Variants in RNF157 observed in about 807,000 individuals in gnomAD.
RNF157 encodes E3 ubiquitin ligase RNF157.
A neutral mutation model predicts 88.3 loss-of-function variants in RNF157; 55 were observed. That is an observed-to-expected ratio of 0.62 (90% CI 0.50 to 0.78). RNF157 has a LOEUF of 0.78. Among genes scored for constraint, RNF157 ranks in the 30% least tolerant of loss-of-function variants. RNF157 has a pLI of 0.00. For synonymous variants in RNF157, 334 were observed against 341.2 expected, an observed-to-expected ratio of 0.98 and a Z score of 0.23; for missense variants, 788 against 860.8, an observed-to-expected ratio of 0.92 and a Z score of 1.06.
chr17:76,192,841 C>CT (rs34816147), intron 2 of RNF157, among the ~76,000 whole-genome samples: 2,444 of 134,272 alleles, frequency 0.018, 54 homozygotes, highest in African/African-American at 0.049. Context: ...ACTTTCTTTC[C>CT]TTTTTTTTTT....
At chr17:76,169,122 T>C (rs950301089) in intron 3 of RNF157, among the ~76,000 whole-genome samples, 2 of 152,334 alleles carry the variant, frequency 1.3e-5, no homozygotes, top group South Asian at 2.1e-4. Context: ...CTCTGTTCTC[T>C]GTAGAACCCG....
chr17:76,217,569 A>T (rs930170992), intron 1 of RNF157, among the ~76,000 whole-genome samples: 1 of 152,160 alleles, frequency 6.6e-6, no homozygotes, highest in Non-Finnish European at 1.5e-5. Flanking sequence ...ACAGTCCCCA[A>T]ACAAGATGAC....
chr17:76,239,254 T>C (rs2070332352), intron 1 of RNF157, among the ~76,000 whole-genome samples: 1 of 152,226 alleles, frequency 6.6e-6, no homozygotes, highest in African/African-American at 2.4e-5. Context: ...ATGCAATTCA[T>C]ACTGGCCGGT....
intron 1 of RNF157, among the ~76,000 whole-genome samples, chr17:76,232,389 TA>T (rs372102015): frequency 0.016 from 2,241 of 140,886 alleles, 53 homozygotes; most frequent in African/African-American, 0.052. Flanking sequence ...ACTCTGTCTC[TA>T]AAAAAAAAAA....
At chr17:76,147,092 G>A (rs941543138) in intron 18 of RNF157, 1 of 985,188 alleles carries the variant, frequency 1.0e-6, no homozygotes, top group African/African-American at 1.7e-5. Context: ...ACTCCCTGGG[G>A]GTGGGTACTG....
Position 76,155,653 on chromosome 17 carries a change from G to A in RNF157, c.1607C>T (p.Ser536Phe), listed in dbSNP as rs2144815388. The change falls in exon 15 of 19, where the codon TCT becomes TTT. Residue 536 changes from serine (S) to phenylalanine (F), a missense_variant. Ser to Phe is a radical substitution (Grantham distance 155). Transcript: ENST00000269391. The stretch of plus-strand genomic sequence containing the variant: ...AGTGCCAGGGGCGATGTAGGAGCCA[G>A]ACATGGAGGAGACGGTGTCAGTGCT... ...QISTDTVSSM[S>F]GSYIAPGTEE... The A allele has an allele frequency of 1.2e-6, 2 of 1,613,960 alleles. No homozygotes were observed. The highest frequency in any genetic ancestry group is 1.1e-5 in the South Asian group (1 of 91,056).
chr17:76,154,188 C>T (rs2068725673), intron 17 of RNF157, 95 bp downstream of exon 17: 2 of 887,490 alleles, frequency 2.3e-6, no homozygotes, highest in Admixed American at 3.5e-5. Context: ...TGAGCAGCGC[C>T]ACCACGTCAT....
chr17:76,201,643 A>T lies in RNF157; in HGVS notation c.207+10721T>A, dbSNP rs141854590. The stretch of plus-strand genomic sequence containing the variant: ...ATAGTATATTTGTGTAGCTATAAAT[A>T]TATGTACATAATGCACACACATACA... On this transcript the variant is annotated intron_variant, in intron 2 of 18. Coordinates refer to ENST00000269391, the MANE Select transcript of RNF157 (RefSeq NM_052916.3). Among the ~76,000 whole-genome samples the T allele has an allele frequency of 7.2e-4, 110 of 152,328 alleles. 1 individual carries two copies. The East Asian group carries it at 0.018, about 24-fold the overall frequency.
intron 3 of RNF157, among the ~76,000 whole-genome samples, chr17:76,170,037 G>T (rs553734247): frequency 3.9e-5 from 6 of 152,314 alleles, no homozygotes; most frequent in Non-Finnish European, 7.4e-5. Context: ...TGGGGATCCT[G>T]GGCTTCACTG....
intron 1 of RNF157, among the ~76,000 whole-genome samples, chr17:76,223,110 T>C (rs1190916443): frequency 2.6e-5 from 4 of 151,996 alleles, no homozygotes; most frequent in African/African-American, 9.7e-5. Flanking sequence ...CAGGATGGTT[T>C]TGATCTCCTG....
chr17:76,220,980 G>A (rs1002720046), intron 1 of RNF157, among the ~76,000 whole-genome samples: 10 of 151,814 alleles, frequency 6.6e-5, no homozygotes, highest in Non-Finnish European at 1.2e-4. Flanking sequence ...AAAATTAGCC[G>A]GCTTGGTGGC....
At chr17:76,210,364 T>A (rs60936294) in intron 2 of RNF157, among the ~76,000 whole-genome samples, 6 of 151,456 alleles carry the variant, frequency 4.0e-5, no homozygotes, top group African/African-American at 9.7e-5. Flanking sequence ...GAGGCCAAGG[T>A]GGGCGGATCA....
chr17:76,177,024 G>GCCCGGC (rs1311305920), intron 2 of RNF157, among the ~76,000 whole-genome samples: 2 of 152,192 alleles, frequency 1.3e-5, no homozygotes, highest in South Asian at 2.1e-4. Flanking sequence ...TGGGCAGATG[G>GCCCGGC]CCTGGCCCAG....
rs1442774097 is a variant in RNF157, at chr17:76,161,115, G to A, written c.1065+420C>T. 6.6e-6 allele frequency among the ~76,000 whole-genome samples: 1 copy of A among 152,172 alleles called. No individual in the cohort carries two copies. The highest frequency in any genetic ancestry group is 1.9e-4 in the East Asian group (1 of 5,206). ...TCAGCACTTACACTAGGAAACTGAA[G>A]TCAGTTACTTTATCTCAGGCACTGA... On this transcript the variant is annotated intron_variant, in intron 11 of 18. Transcript: ENST00000269391. This position sits in a 1 kb window ranked among gnomAD's most constrained non-coding sequence, Gnocchi z 4.6.
rs2069467524 is a variant in RNF157 at position 76,195,752 on chromosome 17, T to C, written c.207+16612A>G. Among the ~76,000 whole-genome samples, 1 of 152,114 alleles carries C rather than the reference T, an allele frequency of 6.6e-6. No individual in the cohort carries two copies. The highest frequency in any genetic ancestry group is 2.4e-5 in the African/African-American group (1 of 41,406). On this transcript the variant is annotated intron_variant, in intron 2 of 18. Coordinates refer to ENST00000269391, the MANE Select transcript of RNF157 (RefSeq NM_052916.3). The surrounding 1 kb of genome is among the most constrained non-coding windows in gnomAD (Gnocchi z 4.4). ...TTCTCGTTGCTGTACGCCATTGAGG[T>C]AGGATGTAGGACTTGACTCAAGAAG...
Position 76,158,381 on chromosome 17 carries a change from A to T in RNF157, c.1413+12T>A. 6.4e-7 allele frequency: 1 copy of T among 1,552,532 alleles called. No individual in the cohort carries two copies. Among genetic ancestry groups the T allele is most frequent in the Non-Finnish European group, 8.9e-7 (1 of 1,124,812 alleles). On this transcript the variant is annotated intron_variant, in intron 13 of 18. Coordinates refer to ENST00000269391, the MANE Select transcript of RNF157 (RefSeq NM_052916.3). The stretch of plus-strand genomic sequence containing the variant: ...GTACAACACCCAAGAAGAGGAGAGG[A>T]ATGTCAATTACCTCTCCGAGATGCT...
At chr17:76,173,566 C>T (rs2069053474) in intron 3 of RNF157, 136 bp downstream of exon 3, 1 of 649,652 alleles carries the variant, frequency 1.5e-6, no homozygotes, top group South Asian at 1.8e-5. Context: ...GCCCGCACTC[C>T]TGTCTGAGGC....
rs955089741 is a variant in RNF157 at position 76,174,769 on chromosome 17, A to G, written c.208-979T>C. 7.2e-5 allele frequency among the ~76,000 whole-genome samples: 11 copies of G among 152,232 alleles called. No individual in the cohort carries two copies. In the East Asian group the frequency reaches 7.7e-4, roughly 11 times the overall value. On this transcript the variant is annotated intron_variant, in intron 2 of 18. Coordinates refer to ENST00000269391, the MANE Select transcript of RNF157 (RefSeq NM_052916.3). Reference sequence around the variant, plus strand: ...TTGGGAAACAATATAGTTAAACCATAGTTAAGGTGCATCTGACTTAATGTA... The same window carrying G: ...TTGGGAAACAATATAGTTAAACCATGGTTAAGGTGCATCTGACTTAATGTA...
At position 76,146,875 on chromosome 17, in the gene RNF157, G is replaced by A; in HGVS notation, c.1922-1522C>T. On this transcript the variant is annotated intron_variant, in intron 18 of 18. Transcript: ENST00000269391. The surrounding 1 kb of genome is among the most constrained non-coding windows in gnomAD (Gnocchi z 4.2). ...GAGAGAGGCCACTCACAAGTGTCCA[G>A]GGTCAGCCTCAGGCCAGCCCAGGAC... The A allele has an allele frequency of 8.1e-6, 8 of 985,486 alleles. No individual in the cohort carries two copies. Among genetic ancestry groups the A allele is most frequent in the Non-Finnish European group, 9.6e-6 (8 of 829,942 alleles). The allele number at this position is 985,486 out of a possible 1,614,324, so 61.0% of individuals were successfully genotyped here. A position where few individuals can be genotyped will look rare whatever the true frequency, so the allele number is the denominator to read the frequency against.
Sources: gnomAD v4.1 joint callset for allele counts (sites outside exome capture counted in the v4.1 genomes callset) on GRCh38, gnomAD v4.1.1 for gene constraint, Gnocchi (gnomAD v3.1) non-coding constraint, MANE v1.5 for transcripts, NCBI Gene and HGNC (gene_info 2026-07-23, HGNC 2026-07-21) for gene names.